Variants in KCNIP4 observed in about 807,000 individuals in gnomAD.
KCNIP4 encodes Kv channel-interacting protein 4.
A neutral mutation model predicts 34.0 loss-of-function variants in KCNIP4; 12 were observed. The ratio of observed to expected loss-of-function variants is 0.35; its 90% CI spans 0.23 to 0.57. The LOEUF is 0.57. Among genes scored for constraint, KCNIP4 ranks in the 20% least tolerant of loss-of-function variants. The pLI, the probability that KCNIP4 is intolerant of heterozygous loss-of-function variation, is 0.83. For synonymous variants in KCNIP4, 124 were observed against 102.2 expected (o/e 1.21, Z -1.29); for missense variants, 238 against 311.7 (o/e 0.76, Z 1.78).
chr4:21,926,230 G>A (rs573317582), intron 1 of KCNIP4, among the ~76,000 whole-genome samples: 1 of 152,290 alleles, frequency 6.6e-6, no homozygotes, highest in East Asian at 1.9e-4. Flanking sequence ...CGTCAGTATT[G>A]TTATTATGAA....
chr4:20,893,687 G>T (rs767812387), intron 1 of KCNIP4, among the ~76,000 whole-genome samples: 3 of 151,138 alleles, frequency 2.0e-5, no homozygotes, highest in Non-Finnish European at 4.4e-5. Flanking sequence ...GCTTCCCAAA[G>T]TGCTGGGATT....
At chr4:21,113,692 A>G (rs1749453034) in intron 1 of KCNIP4, among the ~76,000 whole-genome samples, 1 of 152,194 alleles carries the variant, frequency 6.6e-6, no homozygotes, top group African/African-American at 2.4e-5. Flanking sequence ...TCCAAATTTG[A>G]GCATGTGTAA....
chr4:21,216,570 G>T (rs1431224076), intron 1 of KCNIP4, among the ~76,000 whole-genome samples: 3 of 152,170 alleles, frequency 2.0e-5, no homozygotes, highest in African/African-American at 7.2e-5. Context: ...CTATTTCAGA[G>T]ATTAGAAAAT....
chr4:21,517,395 T>C (rs1734852254), intron 1 of KCNIP4, among the ~76,000 whole-genome samples: 1 of 152,156 alleles, frequency 6.6e-6, no homozygotes, highest in Non-Finnish European at 1.5e-5. Flanking sequence ...GAAATGTGAT[T>C]GGGAATTTCA....
chr4:21,797,292 C>G (rs568646512), intron 1 of KCNIP4, among the ~76,000 whole-genome samples: 52 of 152,178 alleles, frequency 3.4e-4, no homozygotes, highest in African/African-American at 1.1e-3. Context: ...AGGTTTGTGC[C>G]ACTGTGCCCA....
At chr4:21,135,774 C>A (rs1431422974) in intron 1 of KCNIP4, among the ~76,000 whole-genome samples, 2 of 152,180 alleles carry the variant, frequency 1.3e-5, no homozygotes, top group Admixed American at 6.5e-5. Context: ...CACAGGTTTA[C>A]CCAGGCTCTG....
intron 1 of KCNIP4, among the ~76,000 whole-genome samples, chr4:21,890,870 A>G (rs548159293): frequency 1.3e-5 from 2 of 152,148 alleles, no homozygotes; most frequent in Admixed American, 6.6e-5. Flanking sequence ...CCAGAGAATG[A>G]AACATAGGGT....
intron 1 of KCNIP4, among the ~76,000 whole-genome samples, chr4:21,377,240 C>T (rs2109460806): frequency 6.6e-6 from 1 of 152,264 alleles, no homozygotes; most frequent in Admixed American, 6.5e-5. Flanking sequence ...AGAGCTAGAG[C>T]TTCCATGGTA....
intron 1 of KCNIP4, among the ~76,000 whole-genome samples, chr4:21,927,685 G>A (rs1729335801): frequency 6.6e-6 from 1 of 152,124 alleles, no homozygotes; most frequent in Admixed American, 6.6e-5. Flanking sequence ...TTACTTTCAT[G>A]TGTAATATTC....
At chr4:21,375,629 C>A (rs1006241370) in intron 1 of KCNIP4, among the ~76,000 whole-genome samples, 4 of 150,692 alleles carry the variant, frequency 2.7e-5, no homozygotes, top group African/African-American at 9.8e-5. Context: ...TGCAGTGGTG[C>A]GATCTCTGCT....
At position 21,555,661 on chromosome 4, in the gene KCNIP4, T is replaced by C. The variant is rs866920853; in HGVS notation, c.61+392910A>G. ...CCTGAATCATTTTCAACAAAACATA[T>C]GCTCAAATACTGGTGGAGATAAAAA... On this transcript the variant is annotated intron_variant, in intron 1 of 8. Coordinates refer to ENST00000382152, the MANE Select transcript of KCNIP4 (RefSeq NM_025221.6). Among the ~76,000 whole-genome samples, 55 of 152,314 alleles carry C rather than the reference T, an allele frequency of 3.6e-4. 1 individual carries two copies. The highest frequency in any genetic ancestry group is 6.8e-3 in the Middle Eastern group (2 of 294).
intron 1 of KCNIP4, among the ~76,000 whole-genome samples, chr4:21,934,918 C>A (rs1014309634): frequency 2.0e-5 from 3 of 152,118 alleles, no homozygotes; most frequent in African/African-American, 7.2e-5. Context: ...ATTCCTCTAG[C>A]ACCCCAAATA....
chr4:21,357,387 GA>G (rs1166105126), intron 1 of KCNIP4, among the ~76,000 whole-genome samples: 24 of 152,104 alleles, frequency 1.6e-4, no homozygotes, highest in African/African-American at 5.8e-4. Flanking sequence ...GCAACCTATG[GA>G]ATGGGAGAAA....
chr4:21,587,141 C>T (rs1174771093), intron 1 of KCNIP4, among the ~76,000 whole-genome samples: 2 of 152,016 alleles, frequency 1.3e-5, no homozygotes, highest in Non-Finnish European at 2.9e-5. Context: ...TGTGTATATG[C>T]TATGTAGATG....
chr4:21,628,531 C>T (rs2109196492), intron 1 of KCNIP4, among the ~76,000 whole-genome samples: 1 of 152,294 alleles, frequency 6.6e-6, no homozygotes, highest in East Asian at 1.9e-4. Context: ...TGGCTGAGAG[C>T]AAGACGGTCT....
At chr4:21,748,501 G>A (rs909554613) in intron 1 of KCNIP4, among the ~76,000 whole-genome samples, 4 of 152,074 alleles carry the variant, frequency 2.6e-5, no homozygotes, top group Non-Finnish European at 5.9e-5. Flanking sequence ...TATGAAAACA[G>A]ACCAAAAAAT....
chr4:21,140,086 G>A (rs765907710), intron 1 of KCNIP4, among the ~76,000 whole-genome samples: 7 of 152,024 alleles, frequency 4.6e-5, no homozygotes, highest in South Asian at 2.1e-4. Context: ...AGTAGAGTGC[G>A]AAATTCAATG....
At chr4:20,825,634 T>C (rs1322887898) in intron 3 of KCNIP4, among the ~76,000 whole-genome samples, 4 of 152,182 alleles carry the variant, frequency 2.6e-5, no homozygotes, top group Non-Finnish European at 4.4e-5. Flanking sequence ...TAGGCAGGCA[T>C]GACCAGCAGA....
chr4:21,919,384 G>T (rs1728818066), intron 1 of KCNIP4, among the ~76,000 whole-genome samples: 1 of 152,122 alleles, frequency 6.6e-6, no homozygotes. Flanking sequence ...GATGAAACTT[G>T]GGATGGTCAC....
Sources: allele counts gnomAD v4.1 joint callset (sites outside exome capture counted in the v4.1 genomes callset), GRCh38; gene constraint gnomAD v4.1.1; transcripts MANE v1.5; gene names NCBI Gene and HGNC (gene_info 2026-07-23, HGNC 2026-07-21).